OXCT1: variants seen among roughly 807,000 people sequenced by gnomAD.
The protein encoded by OXCT1 is succinyl-CoA:3-ketoacid coenzyme A transferase 1, mitochondrial.
Under a neutral mutation model 69.6 loss-of-function variants are expected in OXCT1, and 27 were observed. The ratio of observed to expected loss-of-function variants is 0.39; its 90% CI spans 0.29 to 0.54. The LOEUF (loss-of-function observed/expected upper bound fraction) is 0.54. Among genes scored for constraint, OXCT1 ranks in the 20% least tolerant of loss-of-function variants. The probability of loss-of-function intolerance (pLI) is 0.72; values close to 1 mark genes in which losing one functional copy is unlikely to be tolerated. For synonymous variants in OXCT1, 202 were observed against 217.8 expected (o/e 0.93, Z 0.64); for missense variants, 437 against 650.2 (o/e 0.67, Z 3.57).
In OXCT1 at chr5:41,841,231, G is replaced by C. The variant is rs549222473; in HGVS notation, c.672-720C>G. On this transcript the variant is annotated intron_variant, in intron 6 of 16. Transcript: ENST00000196371. ...TATACGTTGATGGCAGAATTTCTTT[G>C]GTAAAAGGAAGTAAGTCACAGCTAT... 2.6e-5 allele frequency among the ~76,000 whole-genome samples: 4 copies of C among 152,230 alleles called. No homozygotes were observed. In the South Asian group the frequency reaches 6.2e-4, roughly 24 times the overall value.
chr5:41,771,023 T>C (rs564479467), intron 13 of OXCT1, among the ~76,000 whole-genome samples: 3 of 152,314 alleles, frequency 2.0e-5, no homozygotes, highest in African/African-American at 7.2e-5. Context: ...TTTATTACCA[T>C]GATCAGAGTC....
chr5:41,741,208 G>T (rs965484998), intron 15 of OXCT1, among the ~76,000 whole-genome samples: 4 of 151,930 alleles, frequency 2.6e-5, no homozygotes, highest in Non-Finnish European at 5.9e-5. Context: ...TGCCTGCCTC[G>T]GCCTCCTTTG....
rs142794217 is a variant in OXCT1, at chr5:41,829,546, G to A, written c.732+10905C>T. Among the ~76,000 whole-genome samples, 257 of 152,114 alleles carry A rather than the reference G, an allele frequency of 1.7e-3. 1 individual carries two copies. Among genetic ancestry groups the A allele is most frequent in the African/African-American group, 5.5e-3 (228 of 41,530 alleles). On this transcript the variant is annotated intron_variant, in intron 7 of 16. Transcript: ENST00000196371. ...GTACCTGAGATAATGGAACTCTCTC[G>A]CATTACTGCAGCATTGTTACCAAGC...
At chr5:41,835,571 A>G (rs1357406612) in intron 7 of OXCT1, among the ~76,000 whole-genome samples, 1 of 152,274 alleles carries the variant, frequency 6.6e-6, no homozygotes, top group Non-Finnish European at 1.5e-5. Context: ...TGCACCAAAT[A>G]TCGTATCATC....
chr5:41,843,115 T>A (rs1351127667), intron 5 of OXCT1, among the ~76,000 whole-genome samples: 1 of 152,198 alleles, frequency 6.6e-6, no homozygotes, highest in Non-Finnish European at 1.5e-5. Context: ...TGAAAAATAG[T>A]CCTTCTTTCC....
intron 13 of OXCT1, among the ~76,000 whole-genome samples, chr5:41,788,206 T>C (rs1745742939): frequency 6.6e-6 from 1 of 152,144 alleles, no homozygotes; most frequent in Admixed American, 6.5e-5. Flanking sequence ...GATTAAAATA[T>C]GTATATGGTA....
intron 13 of OXCT1, among the ~76,000 whole-genome samples, chr5:41,781,485 G>A (rs1745398557): frequency 6.6e-6 from 1 of 151,162 alleles, no homozygotes; most frequent in Non-Finnish European, 1.5e-5. Context: ...GGGTACATGT[G>A]CAGGATATGC....
chr5:41,864,781 C>G (rs918591180), intron 1 of OXCT1, among the ~76,000 whole-genome samples: 1 of 152,188 alleles, frequency 6.6e-6, no homozygotes, highest in Non-Finnish European at 1.5e-5. Flanking sequence ...TGAAACCTCT[C>G]ATACTCCACT....
rs964303748 is a variant in OXCT1, at chr5:41,865,608, T to G, written c.79-2858A>C. Among the ~76,000 whole-genome samples the G allele has an allele frequency of 5.9e-5, 9 of 152,196 alleles. No homozygotes were observed. In the South Asian group the frequency reaches 1.9e-3, roughly 31 times the overall value. ...GAAACCCAACATCTAGTTTAGGAGA[T>G]AGTGTGCCATAATAGATCATGCTCT... On this transcript the variant is annotated intron_variant, in intron 1 of 16. Coordinates refer to ENST00000196371, the MANE Select transcript of OXCT1 (RefSeq NM_000436.4).
At chr5:41,843,054 G>T (rs138307801) in intron 5 of OXCT1, among the ~76,000 whole-genome samples, 3 of 152,102 alleles carry the variant, frequency 2.0e-5, no homozygotes, top group Admixed American at 1.3e-4. Flanking sequence ...TGGCCTGAGG[G>T]ATAGACTATT....
intron 13 of OXCT1, among the ~76,000 whole-genome samples, chr5:41,772,046 A>T (rs1458408907): frequency 6.6e-6 from 1 of 152,232 alleles, no homozygotes; most frequent in African/African-American, 2.4e-5. Flanking sequence ...CTAAAATACA[A>T]ATGGAAAAAC....
At chr5:41,736,486 T>C (rs549347701) in intron 16 of OXCT1, among the ~76,000 whole-genome samples, 1 of 152,366 alleles carries the variant, frequency 6.6e-6, no homozygotes, top group South Asian at 2.1e-4. Flanking sequence ...CACTATGATA[T>C]ATATGAAAAA....
intron 7 of OXCT1, among the ~76,000 whole-genome samples, chr5:41,831,507 A>G (rs181531868): frequency 2.1e-4 from 32 of 152,320 alleles, no homozygotes; most frequent in Admixed American, 1.8e-3. Flanking sequence ...TCATCCTATT[A>G]TCAAGATAGA....
chr5:41,825,349 G>A (rs1041060310), intron 7 of OXCT1, among the ~76,000 whole-genome samples: 1 of 152,162 alleles, frequency 6.6e-6, no homozygotes, highest in Admixed American at 6.5e-5. Context: ...TTAGACATGA[G>A]TGGACTTGAT....
chr5:41,742,296 A>C (rs1247513956), intron 15 of OXCT1, among the ~76,000 whole-genome samples: 1 of 152,228 alleles, frequency 6.6e-6, no homozygotes, highest in Non-Finnish European at 1.5e-5. Flanking sequence ...TGCAAACAAA[A>C]AATTGACAAA....
intron 13 of OXCT1, among the ~76,000 whole-genome samples, chr5:41,787,753 G>A (rs1472491546): frequency 1.3e-5 from 2 of 150,226 alleles, no homozygotes; most frequent in African/African-American, 2.4e-5. Context: ...AGAGTCCTCC[G>A]AAGAAAACTT....
chr5:41,749,639 G>C (rs775214738), intron 14 of OXCT1, 32 bp from the exon 15 acceptor site: 18 of 1,352,094 alleles, frequency 1.3e-5, no homozygotes, highest in Non-Finnish European at 1.8e-5. Flanking sequence ...AAAAAGAGTA[G>C]TTAGGGAGCA....
intron 7 of OXCT1, among the ~76,000 whole-genome samples, chr5:41,828,282 T>A (rs1003580180): frequency 6.6e-6 from 1 of 151,786 alleles, no homozygotes. Context: ...TAATTTTTTT[T>A]TTTTTGCATT....
At chr5:41,798,206 G>T (rs1746268844) in intron 11 of OXCT1, among the ~76,000 whole-genome samples, 1 of 152,118 alleles carries the variant, frequency 6.6e-6, no homozygotes, top group African/African-American at 2.4e-5. Flanking sequence ...CAGCAGTCCA[G>T]AATGGGTACA....
Sources: gnomAD v4.1 joint callset for allele counts (sites outside exome capture counted in the v4.1 genomes callset) on GRCh38, gnomAD v4.1.1 for gene constraint, MANE v1.5 for transcripts, NCBI Gene and HGNC (gene_info 2026-07-23, HGNC 2026-07-21) for gene names.